Variants in AGBL4 observed in about 807,000 individuals in gnomAD.
AGBL4 encodes the protein AGBL carboxypeptidase 4.
In AGBL4, 58 loss-of-function variants were observed where a neutral mutation model predicts 66.4. The observed-to-expected ratio is 0.87, with a 90% CI of 0.71 to 1.09. The LOEUF (loss-of-function observed/expected upper bound fraction) is 1.09, where lower values mean the gene tolerates loss of function less well. Among genes scored for constraint, AGBL4 ranks in the 50% least tolerant of loss-of-function variants. The probability of loss-of-function intolerance (pLI) is 0.00; values close to 1 mark genes in which losing one functional copy is unlikely to be tolerated. For missense variants in AGBL4, 579 were observed against 631.0 expected (o/e 0.92, Z 0.88); for synonymous variants, 234 against 222.9 (o/e 1.05, Z -0.44).
At chr1:49,838,644 A>T (rs1645912484) in intron 2 of AGBL4, among the ~76,000 whole-genome samples, 1 of 152,208 alleles carries the variant, frequency 6.6e-6, no homozygotes, top group Admixed American at 6.5e-5. Context: ...TGAAGAATAA[A>T]AACATAGATA....
At chr1:48,818,390 T>A (rs1009333588) in intron 6 of AGBL4, among the ~76,000 whole-genome samples, 1 of 152,230 alleles carries the variant, frequency 6.6e-6, no homozygotes, top group Non-Finnish European at 1.5e-5. Context: ...AGGGCACTGA[T>A]GTCAGTTTTT....
At chr1:49,512,103 C>A (rs1183004795) in intron 3 of AGBL4, among the ~76,000 whole-genome samples, 3 of 151,876 alleles carry the variant, frequency 2.0e-5, no homozygotes, top group Non-Finnish European at 4.4e-5. Context: ...CGAGAAGTGT[C>A]TTTAGACGTA....
chr1:48,555,786 C>A (rs2798094), intron 11 of AGBL4, among the ~76,000 whole-genome samples: 100,551 of 151,928 alleles, frequency 0.66, 33,795 homozygotes, highest in Non-Finnish European at 0.74. Flanking sequence ...CTCAGGCACT[C>A]TCAGGGGAGT....
intron 5 of AGBL4, among the ~76,000 whole-genome samples, chr1:48,965,957 G>A (rs185354360): frequency 1.3e-5 from 2 of 152,220 alleles, no homozygotes; most frequent in East Asian, 1.9e-4. Flanking sequence ...AAAGAACACA[G>A]CTTTTAGGAG....
intron 4 of AGBL4, among the ~76,000 whole-genome samples, chr1:49,206,280 A>T (rs2148241401): frequency 6.6e-6 from 1 of 152,232 alleles, no homozygotes; most frequent in South Asian, 2.1e-4. Flanking sequence ...GGATAAATAT[A>T]CTGAATTACA....
At chr1:48,816,764 G>A (rs974402709) in intron 6 of AGBL4, among the ~76,000 whole-genome samples, 1 of 152,308 alleles carries the variant, frequency 6.6e-6, no homozygotes. Flanking sequence ...GCAGAGAGAT[G>A]AATAAGATAT....
At chr1:49,824,134 G>A (rs1434795331) in intron 2 of AGBL4, among the ~76,000 whole-genome samples, 16 of 152,018 alleles carry the variant, frequency 1.1e-4, no homozygotes, top group African/African-American at 2.4e-4. Flanking sequence ...GCTTGAACCC[G>A]GGAGGCAGAA....
chr1:49,641,336 C>T (rs1038020287), intron 3 of AGBL4, among the ~76,000 whole-genome samples: 3 of 151,980 alleles, frequency 2.0e-5, no homozygotes, highest in Non-Finnish European at 4.4e-5. Flanking sequence ...CTTGGATCAC[C>T]ATGTATCAAT....
chr1:49,959,195 T>C (rs761228531), intron 1 of AGBL4, among the ~76,000 whole-genome samples: 1 of 151,968 alleles, frequency 6.6e-6, no homozygotes, highest in Admixed American at 6.6e-5. Context: ...AGTTGCAGTA[T>C]AGTCTAATTT....
chr1:49,492,292 G>T (rs899635824), intron 3 of AGBL4, among the ~76,000 whole-genome samples: 1 of 151,948 alleles, frequency 6.6e-6, no homozygotes, highest in Non-Finnish European at 1.5e-5. Flanking sequence ...GACAGGTTGT[G>T]TATATAGTGT....
At chr1:49,948,029 T>TATATAAATATATATAA (rs1557607876) in intron 1 of AGBL4, among the ~76,000 whole-genome samples, 1 of 31,394 alleles carries the variant, frequency 3.2e-5, no homozygotes, top group African/African-American at 1.3e-4. Context: ...TATATATAAA[T>TATATAAATATATATAA]ATATATACAT....
intron 3 of AGBL4, among the ~76,000 whole-genome samples, chr1:49,482,670 TC>T (rs1646981193): frequency 6.6e-6 from 1 of 151,954 alleles, no homozygotes; most frequent in Non-Finnish European, 1.5e-5. Context: ...TCTGCTAGCT[TC>T]GAGATTTGTT....
At chr1:50,014,231 C>T (rs1036778714) in intron 1 of AGBL4, among the ~76,000 whole-genome samples, 23 of 151,828 alleles carry the variant, frequency 1.5e-4, no homozygotes, top group African/African-American at 4.8e-4. Flanking sequence ...ATTAGCTGGG[C>T]GTGGTGGCAT....
At position 49,796,672 on chromosome 1, in the gene AGBL4, C is replaced by A. The variant is rs1445175643; in HGVS notation, c.157+54724G>T. On this transcript the variant is annotated intron_variant, in intron 2 of 13. Transcript: ENST00000371839. Reference sequence around the variant, plus strand: ...AAAAGAACTATGTTTCTGCTTTTTTCTATAAATTAAAAATAAATATGCAGG... The same window carrying A: ...AAAAGAACTATGTTTCTGCTTTTTTATATAAATTAAAAATAAATATGCAGG... Among the ~76,000 whole-genome samples the A allele has an allele frequency of 6.0e-5, 9 of 151,112 alleles. No individual in the cohort carries two copies. In the East Asian group the frequency reaches 1.4e-3, roughly 23 times the overall value.
chr1:49,845,035 C>G (rs1000243553), intron 2 of AGBL4: 2 of 1,438,568 alleles, frequency 1.4e-6, no homozygotes, highest in African/African-American at 1.4e-5. Flanking sequence ...GAAGCCAGAC[C>G]TAAATGCTCT....
intron 6 of AGBL4, among the ~76,000 whole-genome samples, chr1:48,821,286 A>G (rs116653691): frequency 0.011 from 1,605 of 152,346 alleles, 6 homozygotes; most frequent in Non-Finnish European, 0.016. Context: ...AAAAAGACAC[A>G]TGCACTTATA....
chr1:49,893,966 T>C (rs533064912), intron 1 of AGBL4, among the ~76,000 whole-genome samples: 1 of 152,274 alleles, frequency 6.6e-6, no homozygotes, highest in African/African-American at 2.4e-5. Context: ...CTCCCAGTGG[T>C]AGTAGTCACA....
chr1:49,399,578 C>T (rs1004844451), intron 3 of AGBL4, among the ~76,000 whole-genome samples: 1 of 152,074 alleles, frequency 6.6e-6, no homozygotes, highest in Non-Finnish European at 1.5e-5. Context: ...TTTTTATCTG[C>T]ATTTCTTTGA....
chr1:49,568,185 GA>G (rs1644252344), intron 3 of AGBL4, among the ~76,000 whole-genome samples: 1 of 152,052 alleles, frequency 6.6e-6, no homozygotes, highest in South Asian at 2.1e-4. Flanking sequence ...CAAATAGAAA[GA>G]GAGAAAGTCA....
Sources: allele counts gnomAD v4.1 joint callset (sites outside exome capture counted in the v4.1 genomes callset), GRCh38; gene constraint gnomAD v4.1.1; transcripts MANE v1.5; gene names NCBI Gene and HGNC (gene_info 2026-07-23, HGNC 2026-07-21).